GRM1: variants seen among roughly 807,000 people sequenced by gnomAD.
The protein encoded by GRM1 is metabotropic glutamate receptor 1.
GRM1 carries 33 observed loss-of-function variants against 90.9 expected under a neutral mutation model. The observed-to-expected ratio is 0.36, with a 90% CI of 0.28 to 0.49. GRM1 has a LOEUF of 0.49. Among genes scored for constraint, GRM1 ranks in the 20% least tolerant of loss-of-function variants. The pLI is 0.99. For synonymous variants in GRM1, 700 were observed against 613.2 expected (o/e 1.14, Z -2.09); for missense variants, 1,190 against 1,534.3 (o/e 0.78, Z 3.75).
At chr6:146,416,598 T>C (rs970511714) in intron 7 of GRM1, among the ~76,000 whole-genome samples, 1 of 152,220 alleles carries the variant, frequency 6.6e-6, no homozygotes, top group Non-Finnish European at 1.5e-5. Context: ...ATGTGATTGA[T>C]TTGCATAATC....
intron 7 of GRM1, among the ~76,000 whole-genome samples, chr6:146,418,094 A>C (rs3804296): frequency 6.6e-5 from 10 of 151,698 alleles, no homozygotes; most frequent in Non-Finnish European, 1.0e-4. Context: ...TCTACTGTGG[A>C]GTTCTGAAGT....
chr6:146,257,710 C>T (rs1781538343), intron 2 of GRM1, among the ~76,000 whole-genome samples: 1 of 152,116 alleles, frequency 6.6e-6, no homozygotes. Context: ...CGTGAACCAG[C>T]TCAAGCATTC....
At chr6:146,140,639 C>T (rs368700426) in intron 1 of GRM1, among the ~76,000 whole-genome samples, 4 of 152,252 alleles carry the variant, frequency 2.6e-5, no homozygotes, top group East Asian at 3.9e-4. Context: ...TTATTTTAAA[C>T]GGATGAAAAC....
chr6:146,390,101 A>C (rs1462627622), intron 6 of GRM1, among the ~76,000 whole-genome samples: 1 of 152,260 alleles, frequency 6.6e-6, no homozygotes, highest in African/African-American at 2.4e-5. Flanking sequence ...ATTAGTTAAA[A>C]TGAGAAATCA....
intron 2 of GRM1, among the ~76,000 whole-genome samples, chr6:146,237,582 ATCTCATACTT>A (rs1780698802): frequency 6.8e-6 from 1 of 147,054 alleles, no homozygotes; most frequent in Non-Finnish European, 1.5e-5. Flanking sequence ...ATTCTTTTTT[ATCTCATACTT>A]TCTCCTTCAG....
At chr6:146,199,028 G>T (rs1391475757) in intron 2 of GRM1, among the ~76,000 whole-genome samples, 1 of 152,070 alleles carries the variant, frequency 6.6e-6, no homozygotes, top group African/African-American at 2.4e-5. Context: ...ATTATTCGGG[G>T]CCCTATTATC....
At chr6:146,157,721 C>T (rs1380868670) in intron 1 of GRM1, among the ~76,000 whole-genome samples, 3 of 151,710 alleles carry the variant, frequency 2.0e-5, no homozygotes, top group East Asian at 1.9e-4. Context: ...ATCTAGTGTC[C>T]GTGAGCAGGA....
At chr6:146,091,633 G>A (rs1489957327) in intron 1 of GRM1, among the ~76,000 whole-genome samples, 1 of 152,020 alleles carries the variant, frequency 6.6e-6, no homozygotes, top group Non-Finnish European at 1.5e-5. Flanking sequence ...GAAGTTTTGA[G>A]TAAGGAAATC....
At chr6:146,369,795 T>C (rs923688734) in intron 5 of GRM1, among the ~76,000 whole-genome samples, 2 of 152,066 alleles carry the variant, frequency 1.3e-5, no homozygotes, top group African/African-American at 4.8e-5. Context: ...ATATGCACTC[T>C]GTAGCAGTTA....
At chr6:146,122,240 G>T (rs537358355) in intron 1 of GRM1, among the ~76,000 whole-genome samples, 4 of 152,106 alleles carry the variant, frequency 2.6e-5, no homozygotes, top group African/African-American at 9.7e-5. Flanking sequence ...TTATTTTGGA[G>T]ATTATACAAT....
intron 3 of GRM1, among the ~76,000 whole-genome samples, chr6:146,346,640 T>C (rs1785199763): frequency 6.6e-6 from 1 of 152,000 alleles, no homozygotes; most frequent in African/African-American, 2.4e-5. Flanking sequence ...CCAAGCAAAA[T>C]TGAGGGCACT....
In GRM1 at chr6:146,029,988, G is replaced by A; in HGVS notation, c.471G>A (p.Ala157=). ...LPPGRTKKPI[A]GVIGPGSSSV... ...CAGGCAGGACTAAGAAGCCCATTGC[G>A]GGAGTGATCGGTCCCGGCTCCAGCT... Residue 157 remains alanine, a synonymous_variant, in exon 1 of 8, where the codon GCG becomes GCA. Transcript: ENST00000282753. The A allele has an allele frequency of 1.2e-6, 2 of 1,614,152 alleles. No homozygotes were observed. The highest frequency in any genetic ancestry group is 1.7e-6 in the Non-Finnish European group (2 of 1,180,020).
At chr6:146,040,121 A>C (rs756096621) in intron 1 of GRM1, among the ~76,000 whole-genome samples, 3 of 152,006 alleles carry the variant, frequency 2.0e-5, no homozygotes, top group Non-Finnish European at 4.4e-5. Context: ...AAGAGTCTAC[A>C]GAAAAGGGAA....
At position 146,434,105 on chromosome 6, in the gene GRM1, C is replaced by T. The variant is rs1252308732; in HGVS notation, c.2894C>T (p.Pro965Leu). The T allele has an allele frequency of 1.9e-6, 3 of 1,614,208 alleles. No homozygotes were observed. The highest frequency in any genetic ancestry group is 2.2e-5 in the South Asian group (2 of 91,086). ...YNVEEEEDAQ[P>L]IRFSPPGSPS... ...GTAGAGGAGGAGGAGGATGCCCAGC[C>T]GATTCGCTTTAGCCCGCCTGGTAGC... Residue 965 changes from proline (P) to leucine (L), a missense_variant, in exon 8 of 8, where the codon CCG (proline) becomes CTG (leucine). By Grantham distance (98) the Pro-to-Leu change is moderately conservative. Transcript: ENST00000282753.
chr6:146,184,561 G>A (rs1257703158), intron 2 of GRM1, among the ~76,000 whole-genome samples: 2 of 152,128 alleles, frequency 1.3e-5, no homozygotes, highest in South Asian at 2.1e-4. Context: ...CATGAATTCA[G>A]TACCATTAAC....
At chr6:146,280,480 C>G (rs1430548687) in intron 2 of GRM1, among the ~76,000 whole-genome samples, 2 of 152,152 alleles carry the variant, frequency 1.3e-5, no homozygotes. Flanking sequence ...AGGGGCACAA[C>G]TGGATTAATA....
chr6:146,170,651 G>A (rs2128894348), intron 2 of GRM1, among the ~76,000 whole-genome samples: 1 of 152,020 alleles, frequency 6.6e-6, no homozygotes, highest in African/African-American at 2.4e-5. Context: ...TTGATAGTCT[G>A]TATTTAATTA....
intron 2 of GRM1, among the ~76,000 whole-genome samples, chr6:146,268,611 T>C (rs1782005298): frequency 6.6e-6 from 1 of 152,200 alleles, no homozygotes; most frequent in Non-Finnish European, 1.5e-5. Context: ...TAAAATACTC[T>C]ATTAAAATCA....
At chr6:146,247,517 G>C (rs564504850) in intron 2 of GRM1, among the ~76,000 whole-genome samples, 1 of 152,210 alleles carries the variant, frequency 6.6e-6, no homozygotes, top group South Asian at 2.1e-4. Context: ...GGGAGGCTGA[G>C]GCGAGTGGAT....
Sources: allele counts gnomAD v4.1 joint callset (sites outside exome capture counted in the v4.1 genomes callset), GRCh38; gene constraint gnomAD v4.1.1; transcripts MANE v1.5; gene names NCBI Gene and HGNC (gene_info 2026-07-23, HGNC 2026-07-21).